Variants in NYAP1 observed in about 807,000 individuals in gnomAD.
NYAP1 encodes the protein neuronal tyrosine phosphorylated phosphoinositide-3-kinase adaptor 1, also known as neuronal tyrosine-phosphorylated phosphoinositide-3-kinase adapter 1.
NYAP1 carries 20 observed loss-of-function variants against 58.6 expected under a neutral mutation model. The ratio of observed to expected loss-of-function variants is 0.34; its 90% CI spans 0.24 to 0.50. The LOEUF is 0.50. Ranked by LOEUF, NYAP1 falls within the 20% of genes least tolerant of loss-of-function variation. NYAP1 has a pLI of 0.98. For synonymous variants in NYAP1, 572 were observed against 523.1 expected (o/e 1.09, Z -1.27); for missense variants, 1,150 against 1,194.5 (o/e 0.96, Z 0.55).
Position 100,493,759 on chromosome 7 carries a change from G to A in NYAP1, c.2382G>A (p.Lys794=). Residue 794 remains lysine, a synonymous_variant, in exon 7 of 7, where the codon AAG becomes AAA. Transcript: ENST00000300179. ...ERKRCVCKEI[K]ARHRPDRGLC... is the part of the protein sequence containing the mutation. ...AGCGCTGCGTGTGCAAGGAGATCAA[G>A]GCGCGCCACCGCCCGGACCGAGGCC... 6.2e-7 allele frequency: 1 copy of A among 1,605,914 alleles called. No homozygotes were observed. The highest frequency in any genetic ancestry group is 8.5e-7 in the Non-Finnish European group (1 of 1,178,566).
Position 100,488,595 on chromosome 7 carries a change from C to T in NYAP1, c.874C>T (p.Pro292Ser). The T allele has an allele frequency of 1.2e-6, 2 of 1,611,352 alleles. No homozygotes were observed. The highest frequency in any genetic ancestry group is 1.7e-6 in the Non-Finnish European group (2 of 1,179,226). Residue 292 changes from proline to serine, a missense_variant, in exon 4 of 7, where the codon CCT (proline) becomes TCT (serine). Pro to Ser is a moderately conservative substitution (Grantham distance 74, BLOSUM62 -1). Transcript: ENST00000300179. The surrounding 1 kb of genome is among the most constrained non-coding windows in gnomAD (Gnocchi z 5.9). The stretch of plus-strand genomic sequence containing the variant: ...GACGGCAACATCCCCGCCACAACAG[C>T]CTCACGCCCTTCCGCCCCATGCCCA... ...PLTATSPPQQ[P>S]HALPPHAHRR...
chr7:100,489,968 C>CACCAGGA (rs1352346375), intron 4 of NYAP1, among the ~76,000 whole-genome samples: 1 of 151,994 alleles, frequency 6.6e-6, no homozygotes, highest in Non-Finnish European at 1.5e-5. Flanking sequence ...TGAGTGTGCG[C>CACCAGGA]ACCAGGAACT....
At position 100,487,993 on chromosome 7, in the gene NYAP1, G is replaced by A. The variant is rs996403225; in HGVS notation, c.431-159G>A. Among the ~76,000 whole-genome samples the A allele has an allele frequency of 5.3e-5, 8 of 152,132 alleles. No individual in the cohort carries two copies. In the South Asian group the frequency reaches 1.7e-3, roughly 32 times the overall value. ...CCCATCTCTATTAAAAAATAAAAAA[G>A]AAATGAAGAAACCTCCTGGGGCTGT... On this transcript the variant is annotated intron_variant, in intron 3 of 6. Coordinates refer to ENST00000300179, the MANE Select transcript of NYAP1 (RefSeq NM_173564.4). The surrounding 1 kb of genome is among the most constrained non-coding windows in gnomAD (Gnocchi z 4.1).
In NYAP1 at chr7:100,489,343, C is replaced by T. The variant is rs750464554; in HGVS notation, c.1622C>T (p.Thr541Ile). The T allele has an allele frequency of 1.2e-6, 2 of 1,611,326 alleles. No individual in the cohort carries two copies. Among genetic ancestry groups the T allele is most frequent in the Non-Finnish European group, 1.7e-6 (2 of 1,179,396 alleles). ...TCCCCCCACAGCCTTCCGGACCCAA[C>T]TGTAGGCCCCCTGACCCCGCTGTGG... ...LASPHSLPDP[T>I]VGPLTPLWTY... The change falls in exon 4 of 7, where the codon ACT (threonine) becomes ATT (isoleucine). Residue 541 changes from threonine to isoleucine, a missense_variant. Thr to Ile is a moderately conservative substitution (Grantham distance 89). Coordinates refer to ENST00000300179, the MANE Select transcript of NYAP1 (RefSeq NM_173564.4).
Position 100,493,667 on chromosome 7 carries a change from C to A in NYAP1, c.2290C>A (p.Pro764Thr), listed in dbSNP as rs1799829104. Reference sequence around the variant, plus strand: ...ACAGCCCCACCCCGCGCTGCCGCTGCCTCTGCCCCTGCCGCCCCAGCCGGC... The same window carrying A: ...ACAGCCCCACCCCGCGCTGCCGCTGACTCTGCCCCTGCCGCCCCAGCCGGC... ...LSQPHPALPL[P>T]LPLPPQPARE... The change falls in exon 7 of 7, where the codon CCT becomes ACT. Residue 764 changes from proline (P) to threonine (T), a missense_variant. By Grantham distance (38) the Pro-to-Thr change is conservative. Coordinates refer to ENST00000300179, the MANE Select transcript of NYAP1 (RefSeq NM_173564.4). 2 of 1,585,644 alleles carry A rather than the reference C, an allele frequency of 1.3e-6. No homozygotes were observed. The highest frequency in any genetic ancestry group is 1.7e-5 in the Admixed American group (1 of 57,602).
chr7:100,493,554 G>A, intron 6 of NYAP1, 92 bp from the exon 7 acceptor site: 1 of 1,088,414 alleles, frequency 9.2e-7, no homozygotes, highest in South Asian at 1.6e-5. Flanking sequence ...CTTCTGAGGG[G>A]AGACGTGGGT....
Position 100,488,094 on chromosome 7 carries a change from C to T in NYAP1, c.431-58C>T. 7.4e-7 allele frequency: 1 copy of T among 1,348,584 alleles called. No individual in the cohort carries two copies. Among genetic ancestry groups the T allele is most frequent in the Non-Finnish European group, 1.0e-6 (1 of 982,188 alleles). 83.5% of individuals were successfully genotyped at this position (1,348,584 alleles called of 1,614,324 possible). ...GGTCAAGGGATCAGAATGGGCTCCT[C>T]CCACTTGCTCCCCTCATTAAAAGCC... On this transcript the variant is annotated intron_variant, in intron 3 of 6. Transcript: ENST00000300179. This position sits in a 1 kb window ranked among gnomAD's most constrained non-coding sequence, Gnocchi z 5.9.
At chr7:100,484,330 G>C (rs1799676698) in intron 1 of NYAP1, among the ~76,000 whole-genome samples, 1 of 152,154 alleles carries the variant, frequency 6.6e-6, no homozygotes. Context: ...AGTGGGGCCA[G>C]ACTGGAGCCC....
chr7:100,488,588 A>T lies in NYAP1; in HGVS notation c.867A>T (p.Pro289=). The T allele has an allele frequency of 6.2e-6, 10 of 1,611,132 alleles. No homozygotes were observed. Among genetic ancestry groups the T allele is most frequent in the Non-Finnish European group, 8.5e-6 (10 of 1,179,234 alleles). ...CACCATTGACGGCAACATCCCCGCC[A>T]CAACAGCCTCACGCCCTTCCGCCCC... ...GPPPLTATSP[P]QQPHALPPHA... is the part of the protein sequence containing the mutation. Residue 289 remains proline, a synonymous_variant, in exon 4 of 7, where the codon CCA becomes CCT. Coordinates refer to ENST00000300179, the MANE Select transcript of NYAP1 (RefSeq NM_173564.4). This position sits in a 1 kb window ranked among gnomAD's most constrained non-coding sequence, Gnocchi z 5.9.
intron 1 of NYAP1, among the ~76,000 whole-genome samples, chr7:100,484,542 T>G (rs1033926430): frequency 6.6e-6 from 1 of 151,894 alleles, no homozygotes; most frequent in Non-Finnish European, 1.5e-5. Flanking sequence ...AGGCAGGCAG[T>G]GGAGATAGAT....
chr7:100,488,270 C>T lies in NYAP1; in HGVS notation c.549C>T (p.Gly183=), dbSNP rs1199334813. The T allele has an allele frequency of 7.4e-6, 12 of 1,613,818 alleles. No homozygotes were observed. In the East Asian group the frequency reaches 2.7e-4, roughly 36 times the overall value. ...SVSFDESCPP[G]PSPRGGNLPL... ...CCTTCGATGAGTCCTGCCCCCCAGG[C>T]CCCTCTCCTCGAGGGGGGAACCTGC... The change falls in exon 4 of 7, where the codon GGC becomes GGT. Residue 183 remains glycine, a synonymous_variant. Coordinates refer to ENST00000300179, the MANE Select transcript of NYAP1 (RefSeq NM_173564.4). The surrounding 1 kb of genome is among the most constrained non-coding windows in gnomAD (Gnocchi z 5.9).
In NYAP1 at chr7:100,487,464, G is replaced by A. The variant is rs1320311312; in HGVS notation, c.430+282G>A. Reference sequence around the variant, plus strand: ...TGGAGAATACGTTAGAAAGACTGAGGGCTGTGGGACAAGCCCCGTGGCTCA... The same window carrying A: ...TGGAGAATACGTTAGAAAGACTGAGAGCTGTGGGACAAGCCCCGTGGCTCA... On this transcript the variant is annotated intron_variant, in intron 3 of 6. Transcript: ENST00000300179. This position sits in a 1 kb window ranked among gnomAD's most constrained non-coding sequence, Gnocchi z 4.1. Among the ~76,000 whole-genome samples, 1 of 152,140 alleles carries A rather than the reference G, an allele frequency of 6.6e-6. No homozygotes were observed. Among genetic ancestry groups the A allele is most frequent in the African/African-American group, 2.4e-5 (1 of 41,424 alleles).
chr7:100,487,236 T>C lies in NYAP1; in HGVS notation c.430+54T>C. ...TGGAGCTGGGAGCTGGGAGGATCTATTCCACGCCCGGGGAGGCTTGCCGGG... is the reference window on the plus strand; with the variant it reads ...TGGAGCTGGGAGCTGGGAGGATCTACTCCACGCCCGGGGAGGCTTGCCGGG... On this transcript the variant is annotated intron_variant, in intron 3 of 6. Transcript: ENST00000300179. This position sits in a 1 kb window ranked among gnomAD's most constrained non-coding sequence, Gnocchi z 4.1. 6.9e-7 allele frequency: 1 copy of C among 1,451,074 alleles called. No individual in the cohort carries two copies. The highest frequency in any genetic ancestry group is 2.6e-5 in the East Asian group (1 of 38,218). 89.9% of individuals were successfully genotyped at this position (1,451,074 alleles called of 1,614,324 possible). A position where few individuals can be genotyped will look rare whatever the true frequency, so the allele number is the denominator to read the frequency against.
At position 100,488,853 on chromosome 7, in the gene NYAP1, C is replaced by T. The variant is rs139880279; in HGVS notation, c.1132C>T (p.Arg378Trp). The T allele has an allele frequency of 2.3e-4, 370 of 1,597,618 alleles. 1 individual carries two copies. Among genetic ancestry groups the T allele is most frequent in the South Asian group, 8.1e-4 (72 of 89,382 alleles). ...CACCCCAGCTCCCCAAGTGCCTGCACGGGAGCGGGAGACGCCTCCCCCACC... is the reference window on the plus strand; with the variant it reads ...CACCCCAGCTCCCCAAGTGCCTGCATGGGAGCGGGAGACGCCTCCCCCACC... ...GSTPAPQVPARERETPPPPPP... is the reference protein window; with the variant it reads ...GSTPAPQVPAWERETPPPPPP... Residue 378 changes from arginine to tryptophan, a missense_variant, in exon 4 of 7, where the codon CGG becomes TGG. Transcript: ENST00000300179. This position sits in a 1 kb window ranked among gnomAD's most constrained non-coding sequence, Gnocchi z 5.9.
In NYAP1 at chr7:100,494,281, C is replaced by T; in HGVS notation, c.*378C>T. 1 of 203,642 alleles carries T rather than the reference C, an allele frequency of 4.9e-6. No individual in the cohort carries two copies. Among genetic ancestry groups the T allele is most frequent in the Non-Finnish European group, 9.7e-6 (1 of 102,820 alleles). 12.6% of individuals were successfully genotyped at this position (203,642 alleles called of 1,614,324 possible). A position where few individuals can be genotyped will look rare whatever the true frequency, so the allele number is the denominator to read the frequency against. On this transcript the variant is annotated 3_prime_UTR_variant, in exon 7 of 7. Coordinates refer to ENST00000300179, the MANE Select transcript of NYAP1 (RefSeq NM_173564.4). ...GAGCTGAAAGAGAGGGACTAGAGTGCCAGATGGAGGAGCTCTTTTCTAGAG... is the reference window on the plus strand; with the variant it reads ...GAGCTGAAAGAGAGGGACTAGAGTGTCAGATGGAGGAGCTCTTTTCTAGAG...
chr7:100,491,771 A>C (rs1319299137), intron 6 of NYAP1, among the ~76,000 whole-genome samples: 1 of 151,194 alleles, frequency 6.6e-6, no homozygotes, highest in African/African-American at 2.4e-5. Context: ...AATTAGGGCC[A>C]GGTGCGGTGG....
In NYAP1 at chr7:100,485,216, C is replaced by G; in HGVS notation, c.-84-12C>G. On this transcript the variant is annotated splice_polypyrimidine_tract_variant and intron_variant, in intron 1 of 6. Coordinates refer to ENST00000300179, the MANE Select transcript of NYAP1 (RefSeq NM_173564.4). This position sits in a 1 kb window ranked among gnomAD's most constrained non-coding sequence, Gnocchi z 5.7. Reference sequence around the variant, plus strand: ...TTCTTTTTTTTCCGTTCTCACCCACCCCGCCCGCCAGTGGATCCGGGACCC... The same window carrying G: ...TTCTTTTTTTTCCGTTCTCACCCACGCCGCCCGCCAGTGGATCCGGGACCC... 1.5e-6 allele frequency: 1 copy of G among 663,370 alleles called. No homozygotes were observed. Among genetic ancestry groups the G allele is most frequent in the Non-Finnish European group, 2.7e-6 (1 of 371,186 alleles). The allele number at this position is 663,370 out of a possible 1,614,324, so 41.1% of individuals were successfully genotyped here. A position where few individuals can be genotyped will look rare whatever the true frequency, so the allele number is the denominator to read the frequency against.
In NYAP1 at chr7:100,493,894, C is replaced by T; in HGVS notation, c.2517C>T (p.Thr839=). 1.4e-6 allele frequency: 2 copies of T among 1,461,080 alleles called. No individual in the cohort carries two copies. The highest frequency in any genetic ancestry group is 1.4e-5 in the South Asian group (1 of 72,902). The allele number at this position is 1,461,080 out of a possible 1,614,324, so 90.5% of individuals were successfully genotyped here. The change falls in exon 7 of 7, where the codon ACC becomes ACT. Residue 839 remains threonine (T), a synonymous_variant. Transcript: ENST00000300179. The part of the protein sequence containing the change: ...CRRQHTVLWD[T]AI ...GGCAGCACACGGTCCTCTGGGACAC[C>T]GCCATCTGAGGCGGGCGGGGGGGTA...
rs374505480 is a variant in NYAP1, at chr7:100,489,059, C to T, written c.1338C>T (p.Ala446=). The change falls in exon 4 of 7, where the codon GCC becomes GCT. Residue 446 remains alanine, a synonymous_variant. Transcript: ENST00000300179. The part of the protein sequence containing the change: ...AGAPAAPPAP[A]ALLPGPPKDK... Reference sequence around the variant, plus strand: ...CGCCGGCAGCCCCCCCTGCCCCGGCCGCCTTGCTCCCCGGCCCCCCCAAGG... The same window carrying T: ...CGCCGGCAGCCCCCCCTGCCCCGGCTGCCTTGCTCCCCGGCCCCCCCAAGG... 5.8e-5 allele frequency: 90 copies of T among 1,543,456 alleles called. No homozygotes were observed. In the African/African-American group the frequency reaches 7.8e-4, roughly 13 times the overall value.
Sources: gnomAD v4.1 joint callset for allele counts (sites outside exome capture counted in the v4.1 genomes callset) on GRCh38, gnomAD v4.1.1 for gene constraint, Gnocchi (gnomAD v3.1) non-coding constraint, MANE v1.5 for transcripts, NCBI Gene and HGNC (gene_info 2026-07-23, HGNC 2026-07-21) for gene names.